TANC2: variants seen among roughly 807,000 people sequenced by gnomAD.
The protein encoded by TANC2 is protein TANC2.
Under a neutral mutation model 210.5 loss-of-function variants are expected in TANC2, and 26 were observed. The ratio of observed to expected loss-of-function variants is 0.12; its 90% CI spans 0.09 to 0.17. The LOEUF (loss-of-function observed/expected upper bound fraction) is 0.17. Ranked by LOEUF, TANC2 falls within the 10% of genes least tolerant of loss-of-function variation. The pLI, the probability that TANC2 is intolerant of heterozygous loss-of-function variation, is 1.00. For synonymous variants in TANC2, 931 were observed against 967.1 expected, an observed-to-expected ratio of 0.96 and a Z score of 0.69; for missense variants, 2,129 against 2,608.9, an observed-to-expected ratio of 0.82 and a Z score of 4.01.
At chr17:63,382,335 A>T (rs1338922493) in intron 15 of TANC2, among the ~76,000 whole-genome samples, 1 of 152,172 alleles carries the variant, frequency 6.6e-6, no homozygotes, top group Non-Finnish European at 1.5e-5. Context: ...CTCTTAATAA[A>T]GCCAACTAAT....
chr17:63,108,354 A>G (rs1567728494), intron 4 of TANC2, among the ~76,000 whole-genome samples: 2 of 151,902 alleles, frequency 1.3e-5, no homozygotes, highest in Non-Finnish European at 2.9e-5. Context: ...ATCATTACAT[A>G]TTATATGCCT....
chr17:63,376,141 TA>T (rs907485763), intron 14 of TANC2, among the ~76,000 whole-genome samples: 2 of 151,274 alleles, frequency 1.3e-5, no homozygotes, highest in African/African-American at 4.9e-5. Context: ...ATGGGATAAA[TA>T]AGAGTTCAGG....
chr17:63,109,718 A>G (rs1394652883), intron 4 of TANC2, among the ~76,000 whole-genome samples: 5 of 151,782 alleles, frequency 3.3e-5, no homozygotes, highest in Admixed American at 6.6e-5. Context: ...TGGATAGTCA[A>G]CAGTCTCTGT....
intron 14 of TANC2, among the ~76,000 whole-genome samples, 191 bp downstream of exon 14, chr17:63,355,581 C>T (rs1251040195): frequency 2.0e-5 from 3 of 152,174 alleles, no homozygotes; most frequent in African/African-American, 7.2e-5. Flanking sequence ...TTCCTTAAGA[C>T]TCAACATCTG....
chr17:63,262,212 A>G (rs1027643115), intron 8 of TANC2, among the ~76,000 whole-genome samples: 13 of 152,156 alleles, frequency 8.5e-5, no homozygotes, highest in Non-Finnish European at 1.9e-4. Context: ...TTAAGAGACA[A>G]GAGTCTCACT....
chr17:63,285,976 A>G (rs1446319881), intron 9 of TANC2, among the ~76,000 whole-genome samples: 1 of 152,112 alleles, frequency 6.6e-6, no homozygotes, highest in African/African-American at 2.4e-5. Context: ...CTTGTAAGCA[A>G]GCTTTCTGAG....
intron 17 of TANC2, among the ~76,000 whole-genome samples, chr17:63,392,161 G>A (rs1487000610): frequency 1.2e-4 from 18 of 152,186 alleles, no homozygotes; most frequent in Admixed American, 1.2e-3. Context: ...TAAAGTCATA[G>A]GCTTTGGCGT....
At chr17:63,230,902 T>C (rs569638185) in intron 7 of TANC2, among the ~76,000 whole-genome samples, 13 of 152,310 alleles carry the variant, frequency 8.5e-5, no homozygotes, top group Non-Finnish European at 1.3e-4. Flanking sequence ...GGAGTCTAAG[T>C]CTCTTTGTAG....
At chr17:63,057,769 T>C (rs999256301) in intron 2 of TANC2, among the ~76,000 whole-genome samples, 1 of 152,224 alleles carries the variant, frequency 6.6e-6, no homozygotes, top group Non-Finnish European at 1.5e-5. Context: ...AATCTTGTTC[T>C]TTTTTATGGC....
intron 2 of TANC2, among the ~76,000 whole-genome samples, chr17:63,056,142 T>C (rs1291352704): frequency 7.1e-6 from 1 of 140,720 alleles, no homozygotes; most frequent in African/African-American, 2.6e-5. Context: ...GTCCATGCAC[T>C]CCAGCCTGAG....
At chr17:63,272,471 A>T (rs899089716) in intron 9 of TANC2, among the ~76,000 whole-genome samples, 4 of 151,958 alleles carry the variant, frequency 2.6e-5, no homozygotes, top group Non-Finnish European at 4.4e-5. Flanking sequence ...TTTTAAAATA[A>T]TTTTTTCTGG....
intron 7 of TANC2, among the ~76,000 whole-genome samples, chr17:63,205,585 C>T (rs1482071075): frequency 6.6e-6 from 1 of 151,986 alleles, no homozygotes; most frequent in Middle Eastern, 3.2e-3. Context: ...AAATTTAAAA[C>T]TTTTGTGCAT....
At chr17:63,254,796 G>T (rs183482446) in intron 8 of TANC2, among the ~76,000 whole-genome samples, 1 of 152,260 alleles carries the variant, frequency 6.6e-6, no homozygotes, top group Non-Finnish European at 1.5e-5. Flanking sequence ...TGTGTGTGTT[G>T]AACCATCCTT....
chr17:63,418,543 A>T lies in TANC2; in HGVS notation c.4268+136A>T. ...GAACTGTCAGGGCCAAGCTTTGGGG[A>T]TGGCTCCCATAGCACAGCCCTCAGC... On this transcript the variant is annotated intron_variant, in intron 27 of 27. Transcript: ENST00000689528. The surrounding 1 kb of genome is among the most constrained non-coding windows in gnomAD (Gnocchi z 4.6). 1 of 737,510 alleles carries T rather than the reference A, an allele frequency of 1.4e-6. No homozygotes were observed. Among genetic ancestry groups the T allele is most frequent in the South Asian group, 1.8e-5 (1 of 54,256 alleles). The allele number at this position is 737,510 out of a possible 1,614,324, so 45.7% of individuals were successfully genotyped here.
chr17:63,280,499 C>G (rs1366432291), intron 9 of TANC2, among the ~76,000 whole-genome samples: 1 of 151,978 alleles, frequency 6.6e-6, no homozygotes, highest in Admixed American at 6.6e-5. Context: ...GATCCTTTCC[C>G]TCCTCTTTTT....
intron 2 of TANC2, among the ~76,000 whole-genome samples, chr17:63,048,359 A>G (rs549304342): frequency 2.6e-4 from 39 of 152,332 alleles, no homozygotes; most frequent in African/African-American, 9.1e-4. Context: ...AAAGGGTTAG[A>G]CAATTTCACT....
intron 7 of TANC2, among the ~76,000 whole-genome samples, chr17:63,209,964 C>T (rs1028312533): frequency 6.6e-6 from 1 of 152,052 alleles, no homozygotes; most frequent in Non-Finnish European, 1.5e-5. Flanking sequence ...AAATGTTAAC[C>T]TGATTTTGCA....
In TANC2 at chr17:63,199,775, T is replaced by C. The variant is rs949819332; in HGVS notation, c.583-996T>C. On this transcript the variant is annotated intron_variant, in intron 6 of 27. Coordinates refer to ENST00000689528, the Ensembl canonical transcript of TANC2. ...TATTACCACCAACCTTTTTAGTAAT[T>C]ATTCATTCCTTCACATCAAAACTTA... 9.2e-5 allele frequency among the ~76,000 whole-genome samples: 14 copies of C among 152,226 alleles called. 1 individual carries two copies. The highest frequency in any genetic ancestry group is 2.9e-4 in the African/African-American group (12 of 41,460).
At chr17:63,372,893 C>CTT (rs753800050) in intron 14 of TANC2, among the ~76,000 whole-genome samples, 39,294 of 115,914 alleles carry the variant, frequency 0.34, 8,577 homozygotes, top group African/African-American at 0.54. Context: ...TGATTACCAT[C>CTT]TTTTTTTTTT....
Sources: gnomAD v4.1 joint callset for allele counts (sites outside exome capture counted in the v4.1 genomes callset) on GRCh38, gnomAD v4.1.1 for gene constraint, Gnocchi (gnomAD v3.1) non-coding constraint, MANE v1.5 for transcripts, NCBI Gene and HGNC (gene_info 2026-07-23, HGNC 2026-07-21) for gene names.